The following DPP10 variants were observed in gnomAD, a reference collection of about 807,000 sequenced individuals.
DPP10 encodes dipeptidyl peptidase like 10, also known as inactive dipeptidyl peptidase 10.
Under a neutral mutation model 120.9 loss-of-function variants are expected in DPP10, and 33 were observed. That is an observed-to-expected ratio of 0.27 (90% CI 0.21 to 0.37). The LOEUF is 0.37. Among genes scored for constraint, DPP10 ranks in the 10% least tolerant of loss-of-function variants. DPP10 has a pLI of 1.00. For missense variants in DPP10, 816 were observed against 942.8 expected, an observed-to-expected ratio of 0.87 and a Z score of 1.76; for synonymous variants, 337 against 326.1, an observed-to-expected ratio of 1.03 and a Z score of -0.36.
At chr2:114,451,357 G>A (rs1678264674) in intron 1 of DPP10, among the ~76,000 whole-genome samples, 3 of 151,984 alleles carry the variant, frequency 2.0e-5, no homozygotes, top group African/African-American at 7.2e-5. Context: ...ATGTTTGGAG[G>A]GTGATAGCTT....
intron 1 of DPP10, among the ~76,000 whole-genome samples, chr2:115,126,038 C>G (rs150842579): frequency 4.6e-5 from 7 of 152,050 alleles, no homozygotes; most frequent in Admixed American, 6.5e-5. Flanking sequence ...ATTTTGAATA[C>G]CTTTATCTTA....
chr2:115,425,816 G>A (rs2070403120), intron 3 of DPP10, among the ~76,000 whole-genome samples: 1 of 152,182 alleles, frequency 6.6e-6, no homozygotes, highest in African/African-American at 2.4e-5. Flanking sequence ...ACGGGCATCT[G>A]CTCAGCTTCT....
intron 7 of DPP10, among the ~76,000 whole-genome samples, chr2:115,714,983 C>T (rs866086790): frequency 6.8e-5 from 10 of 147,970 alleles, no homozygotes; most frequent in South Asian, 2.1e-4. Flanking sequence ...GAGGCAAGAT[C>T]GCGCCACCGC....
chr2:115,340,083 A>G (rs962416909), intron 2 of DPP10, among the ~76,000 whole-genome samples: 2 of 152,194 alleles, frequency 1.3e-5, no homozygotes, highest in African/African-American at 4.8e-5. Context: ...ATTTCTTGCA[A>G]CTTCATATGA....
chr2:115,582,549 G>A (rs1412883197), intron 5 of DPP10, among the ~76,000 whole-genome samples: 1 of 152,168 alleles, frequency 6.6e-6, no homozygotes, highest in African/African-American at 2.4e-5. Context: ...ATTTCTGGGA[G>A]TGATGCTCTC....
chr2:114,509,055 T>C (rs932750021), intron 1 of DPP10, among the ~76,000 whole-genome samples: 1 of 151,960 alleles, frequency 6.6e-6, no homozygotes, highest in South Asian at 2.1e-4. Context: ...AGAGTGAAAC[T>C]GCAGATAAGC....
At chr2:115,217,265 A>G (rs1389859162) in intron 1 of DPP10, among the ~76,000 whole-genome samples, 1 of 152,166 alleles carries the variant, frequency 6.6e-6, no homozygotes, top group Non-Finnish European at 1.5e-5. Flanking sequence ...TCATCTGTAA[A>G]AGGATTAAAT....
At chr2:115,033,697 CT>C (rs10693499) in intron 1 of DPP10, among the ~76,000 whole-genome samples, 51,837 of 137,682 alleles carry the variant, frequency 0.38, 8,461 homozygotes, top group South Asian at 0.47. Flanking sequence ...ATCTTCCCTC[CT>C]TTTTTTTTTT....
chr2:115,833,459 T>C lies in DPP10; in HGVS notation c.1951-2698T>C, dbSNP rs553159030. Among the ~76,000 whole-genome samples the C allele has an allele frequency of 5.9e-5, 9 of 152,288 alleles. No homozygotes were observed. In the East Asian group the frequency reaches 1.7e-3, roughly 29 times the overall value. On this transcript the variant is annotated intron_variant, in intron 21 of 25. Transcript: ENST00000410059. ...TTATGACAGAGAACTAGGAACAATA[T>C]ACTGGAAATGCTCCCTCTAGGGACA...
intron 5 of DPP10, among the ~76,000 whole-genome samples, chr2:115,672,658 T>TTC (rs1462611842): frequency 1.2e-5 from 1 of 85,696 alleles, no homozygotes; most frequent in Non-Finnish European, 2.6e-5. Flanking sequence ...CTCTCTTTCT[T>TTC]TCTTTCTTTC....
intron 1 of DPP10, among the ~76,000 whole-genome samples, chr2:114,857,989 TTTTTG>T (rs967068270): frequency 5.3e-5 from 8 of 152,240 alleles, no homozygotes; most frequent in African/African-American, 1.9e-4. Context: ...GTTTGTTTGC[TTTTTG>T]TTTTGTTTTG....
chr2:115,530,937 A>G (rs1320503614), intron 5 of DPP10, among the ~76,000 whole-genome samples: 6 of 152,110 alleles, frequency 3.9e-5, no homozygotes, highest in Admixed American at 3.9e-4. Flanking sequence ...CCACCCATTG[A>G]AGACTTTCCA....
chr2:114,641,243 T>C (rs1695684304), intron 1 of DPP10, among the ~76,000 whole-genome samples: 1 of 152,048 alleles, frequency 6.6e-6, no homozygotes, highest in African/African-American at 2.4e-5. Flanking sequence ...CACTGCTATA[T>C]AGTTACTATG....
chr2:115,043,709 C>T (rs113588312), intron 1 of DPP10, among the ~76,000 whole-genome samples: 3 of 152,184 alleles, frequency 2.0e-5, no homozygotes, highest in African/African-American at 7.2e-5. Context: ...TAAAGAATAT[C>T]CCATTGATTT....
chr2:114,622,831 C>T (rs1342405089), intron 1 of DPP10, among the ~76,000 whole-genome samples: 1 of 152,042 alleles, frequency 6.6e-6, no homozygotes, highest in Non-Finnish European at 1.5e-5. Context: ...GTGACAGGGA[C>T]AGAAAGATTT....
At chr2:115,498,718 A>ATATATATAATTATGTATAAT (rs2076534144) in intron 3 of DPP10, among the ~76,000 whole-genome samples, 1 of 52,080 alleles carries the variant, frequency 1.9e-5, no homozygotes, top group Admixed American at 2.3e-4. Flanking sequence ...GTATAATTAT[A>ATATATATAATTATGTATAAT]TATATATATA....
At position 114,817,606 on chromosome 2, in the gene DPP10, C is replaced by T. The variant is rs115168159; in HGVS notation, c.60+374768C>T. Among the ~76,000 whole-genome samples, 485 of 152,256 alleles carry T rather than the reference C, an allele frequency of 3.2e-3. 1 individual carries two copies. The highest frequency in any genetic ancestry group is 0.011 in the African/African-American group (474 of 41,560). On this transcript the variant is annotated intron_variant, in intron 1 of 25. Coordinates refer to ENST00000410059, the MANE Select transcript of DPP10 (RefSeq NM_020868.6). ...CATCAAGACAAGCTTTCTATACTTC[C>T]ACCCTGCCTGACATAACAGGAAGTC...
chr2:115,218,097 A>G (rs1278457852), intron 1 of DPP10, among the ~76,000 whole-genome samples: 1 of 152,324 alleles, frequency 6.6e-6, no homozygotes, highest in East Asian at 1.9e-4. Flanking sequence ...ACTAGGATTC[A>G]GTAAACATGT....
chr2:115,792,001 T>C (rs1308240919), intron 19 of DPP10, among the ~76,000 whole-genome samples: 1 of 152,196 alleles, frequency 6.6e-6, no homozygotes. Context: ...TAATAGTGCT[T>C]AAAACAGTCT....
Sources: allele counts gnomAD v4.1 joint callset (sites outside exome capture counted in the v4.1 genomes callset), GRCh38; gene constraint gnomAD v4.1.1; transcripts MANE v1.5; gene names NCBI Gene and HGNC (gene_info 2026-07-23, HGNC 2026-07-21).